The following MFAP2 variants were observed in gnomAD, a reference collection of about 807,000 sequenced individuals.
MFAP2 encodes microfibrillar-associated protein 2.
In MFAP2, 23 loss-of-function variants were observed where a neutral mutation model predicts 30.6. The observed-to-expected ratio is 0.75, with a 90% CI of 0.54 to 1.07. MFAP2 has a LOEUF of 1.07. Ranked by LOEUF, MFAP2 falls within the 50% of genes least tolerant of loss-of-function variation. MFAP2 has a pLI of 0.00. For synonymous variants in MFAP2, 73 were observed against 85.7 expected (o/e 0.85, Z 0.82); for missense variants, 198 against 223.8 (o/e 0.88, Z 0.74).
Position 16,976,161 on chromosome 1 carries a change from G to C in MFAP2, c.286+340C>G. The C allele has an allele frequency of 1.9e-6, 1 of 519,854 alleles. No individual in the cohort carries two copies. The highest frequency in any genetic ancestry group is 3.4e-5 in the East Asian group (1 of 29,264). 32.2% of individuals were successfully genotyped at this position (519,854 alleles called of 1,614,324 possible). Reference sequence around the variant, plus strand: ...CCGGAGGGCACCGCTCAGCCAGCCTGCACTCCCTGGCCCTTCCTCGCCTCC... The same window carrying C: ...CCGGAGGGCACCGCTCAGCCAGCCTCCACTCCCTGGCCCTTCCTCGCCTCC... On this transcript the variant is annotated intron_variant, in intron 6 of 8. Transcript: ENST00000375535. This position sits in a 1 kb window ranked among gnomAD's most constrained non-coding sequence, Gnocchi z 5.5.
rs2076589642 is a variant in MFAP2, at chr1:16,976,150, T to C, written c.286+351A>G. The C allele has an allele frequency of 2.0e-6, 1 of 508,288 alleles. No homozygotes were observed. Among genetic ancestry groups the C allele is most frequent in the Non-Finnish European group, 3.6e-6 (1 of 280,438 alleles). The allele number at this position is 508,288 out of a possible 1,614,324, so 31.5% of individuals were successfully genotyped here. ...AGCTAGGGCAGCCGGAGGGCACCGC[T>C]CAGCCAGCCTGCACTCCCTGGCCCT... On this transcript the variant is annotated intron_variant, in intron 6 of 8. Transcript: ENST00000375535. This position sits in a 1 kb window ranked among gnomAD's most constrained non-coding sequence, Gnocchi z 5.5.
rs767379514 is a variant in MFAP2 at position 16,976,871 on chromosome 1, G to A, written c.154+26C>T. 42 of 1,614,112 alleles carry A rather than the reference G, an allele frequency of 2.6e-5. No homozygotes were observed. Among genetic ancestry groups the A allele is most frequent in the Non-Finnish European group, 3.3e-5 (39 of 1,179,994 alleles). ...GTCTCCCCACCCCAGCTGCCGGCCC[G>A]TCCTATCCTACCCCTAGCCCGTTAC... On this transcript the variant is annotated intron_variant, in intron 4 of 8. Coordinates refer to ENST00000375535, the MANE Select transcript of MFAP2 (RefSeq NM_002403.4). The surrounding 1 kb of genome is among the most constrained non-coding windows in gnomAD (Gnocchi z 5.5).
chr1:16,979,955 G>C (rs1225029783), intron 1 of MFAP2, among the ~76,000 whole-genome samples: 6 of 152,150 alleles, frequency 3.9e-5, no homozygotes, highest in Non-Finnish European at 8.8e-5. Flanking sequence ...GCCAGGACCT[G>C]CCTGGGAGGC....
In MFAP2 at chr1:16,975,239, G is replaced by A; in HGVS notation, c.448+30C>T. On this transcript the variant is annotated intron_variant, in intron 8 of 8. Transcript: ENST00000375535. This position sits in a 1 kb window ranked among gnomAD's most constrained non-coding sequence, Gnocchi z 5.0. ...AGATAATGATGCGGGTGTGGGGACA[G>A]GGGAGGTCTTGGGGAGGTGGCCTTC... 1 of 1,599,046 alleles carries A rather than the reference G, an allele frequency of 6.3e-7. No individual in the cohort carries two copies. Among genetic ancestry groups the A allele is most frequent in the Non-Finnish European group, 8.6e-7 (1 of 1,168,150 alleles).
At chr1:16,977,265 G>T (rs2076601395) in intron 2 of MFAP2, 67 bp from the exon 3 acceptor site, 3 of 1,503,138 alleles carry the variant, frequency 2.0e-6, no homozygotes, top group African/African-American at 2.8e-5. Context: ...GGCGCTTCTG[G>T]AGAGTGGAGG....
rs760867310 is a variant in MFAP2, at chr1:16,977,253, G to A, written c.38-55C>T. ...CCATCGGGAGGGGCAACGGGGGCCC[G>A]AGGCGCTTCTGGAGAGTGGAGGCGG... On this transcript the variant is annotated intron_variant, in intron 2 of 8. Coordinates refer to ENST00000375535, the MANE Select transcript of MFAP2 (RefSeq NM_002403.4). The A allele has an allele frequency of 7.3e-4, 1,140 of 1,569,872 alleles. 3 individuals are homozygous for A. Among genetic ancestry groups the A allele is most frequent in the Non-Finnish European group, 7.3e-4 (842 of 1,153,040 alleles).
At position 16,975,185 on chromosome 1, in the gene MFAP2, A is replaced by G; in HGVS notation, c.448+84T>C. ...GGGCCTGGTGGATAATATGTGTTGA[A>G]TAAACATCAGGTGGGTGGCTAGGTG... On this transcript the variant is annotated intron_variant, in intron 8 of 8. Transcript: ENST00000375535. This position sits in a 1 kb window ranked among gnomAD's most constrained non-coding sequence, Gnocchi z 5.0. The G allele has an allele frequency of 7.2e-7, 1 of 1,385,446 alleles. No individual in the cohort carries two copies. The highest frequency in any genetic ancestry group is 1.8e-5 in the Admixed American group (1 of 55,046). 85.8% of individuals were successfully genotyped at this position (1,385,446 alleles called of 1,614,324 possible).
In MFAP2 at chr1:16,976,883, C is replaced by A. The variant is rs761778619; in HGVS notation, c.154+14G>T. On this transcript the variant is annotated intron_variant, in intron 4 of 8. Coordinates refer to ENST00000375535, the MANE Select transcript of MFAP2 (RefSeq NM_002403.4). This position sits in a 1 kb window ranked among gnomAD's most constrained non-coding sequence, Gnocchi z 5.5. ...CAGCTGCCGGCCCGTCCTATCCTAC[C>A]CCTAGCCCGTTACCTTGATAATCAT... 1 of 1,614,136 alleles carries A rather than the reference C, an allele frequency of 6.2e-7. No homozygotes were observed.
Position 16,977,096 on chromosome 1 carries a change from G to T in MFAP2, c.127+13C>A. The T allele has an allele frequency of 6.2e-7, 1 of 1,613,820 alleles. No individual in the cohort carries two copies. The highest frequency in any genetic ancestry group is 8.5e-7 in the Non-Finnish European group (1 of 1,179,930). ...TGAGCAGCCAGGCCTCGGTGACCCG[G>T]CAAGGCCCTTACCGATCTGGTCGCT... On this transcript the variant is annotated intron_variant, in intron 3 of 8. Coordinates refer to ENST00000375535, the MANE Select transcript of MFAP2 (RefSeq NM_002403.4).
At position 16,976,656 on chromosome 1, in the gene MFAP2, G is replaced by A; in HGVS notation, c.241+52C>T. On this transcript the variant is annotated intron_variant, in intron 5 of 8. Coordinates refer to ENST00000375535, the MANE Select transcript of MFAP2 (RefSeq NM_002403.4). The surrounding 1 kb of genome is among the most constrained non-coding windows in gnomAD (Gnocchi z 5.5). ...CCCCACTCCCAGGGTTGACAGGGTGGGGAGGGGTGAGGCAGGAGCTGAGAC... is the reference window on the plus strand; with the variant it reads ...CCCCACTCCCAGGGTTGACAGGGTGAGGAGGGGTGAGGCAGGAGCTGAGAC... The A allele has an allele frequency of 6.2e-7, 1 of 1,610,372 alleles. No homozygotes were observed. The highest frequency in any genetic ancestry group is 8.5e-7 in the Non-Finnish European group (1 of 1,177,810).
chr1:16,976,560 G>C lies in MFAP2; in HGVS notation c.242-15C>G. On this transcript the variant is annotated splice_polypyrimidine_tract_variant and intron_variant, in intron 5 of 8. Transcript: ENST00000375535. This position sits in a 1 kb window ranked among gnomAD's most constrained non-coding sequence, Gnocchi z 5.5. ...ATTTCCTGGTTCTGGTGTGGAGACA[G>C]AGGTAGGCAGACATCACTGGGAGGG... The C allele has an allele frequency of 6.2e-7, 1 of 1,614,204 alleles. No individual in the cohort carries two copies. The highest frequency in any genetic ancestry group is 8.5e-7 in the Non-Finnish European group (1 of 1,180,026).
chr1:16,975,473 G>T lies in MFAP2; in HGVS notation c.375-131C>A, dbSNP rs1269551536. On this transcript the variant is annotated intron_variant, in intron 7 of 8. Coordinates refer to ENST00000375535, the MANE Select transcript of MFAP2 (RefSeq NM_002403.4). This position sits in a 1 kb window ranked among gnomAD's most constrained non-coding sequence, Gnocchi z 5.0. ...AGCCCGGACAGAACCTGGCACTGGA[G>T]CCCAGGAGTGGAGGAGGTCCCTGGC... 6 of 1,183,242 alleles carry T rather than the reference G, an allele frequency of 5.1e-6. No individual in the cohort carries two copies. The highest frequency in any genetic ancestry group is 1.5e-5 in the African/African-American group (1 of 65,668). The allele number at this position is 1,183,242 out of a possible 1,614,324, so 73.3% of individuals were successfully genotyped here. A position where few individuals can be genotyped will look rare whatever the true frequency, so the allele number is the denominator to read the frequency against.
intron 2 of MFAP2, 26 bp from the exon 3 acceptor site, chr1:16,977,224 T>C (rs1457468872): frequency 2.5e-6 from 4 of 1,609,190 alleles, no homozygotes; most frequent in Non-Finnish European, 3.4e-6. Context: ...GCATGTAGGG[T>C]ACCCCATCGG....
Position 16,976,682 on chromosome 1 carries a change from G to A in MFAP2, c.241+26C>T, listed in dbSNP as rs756022904. 115 of 1,612,336 alleles carry A rather than the reference G, an allele frequency of 7.1e-5. No homozygotes were observed. Among genetic ancestry groups the A allele is most frequent in the Middle Eastern group, 1.7e-4 (1 of 6,044 alleles). On this transcript the variant is annotated intron_variant, in intron 5 of 8. Transcript: ENST00000375535. The surrounding 1 kb of genome is among the most constrained non-coding windows in gnomAD (Gnocchi z 5.5). Reference sequence around the variant, plus strand: ...GGAGGGGTGAGGCAGGAGCTGAGACGGGTGGGAGCAGGGTCTGGGGCCTAC... The same window carrying A: ...GGAGGGGTGAGGCAGGAGCTGAGACAGGTGGGAGCAGGGTCTGGGGCCTAC...
At position 16,976,704 on chromosome 1, in the gene MFAP2, C is replaced by G; in HGVS notation, c.241+4G>C. On this transcript the variant is annotated splice_donor_region_variant and intron_variant, in intron 5 of 8. Transcript: ENST00000375535. This position sits in a 1 kb window ranked among gnomAD's most constrained non-coding sequence, Gnocchi z 5.5. ...GACGGGTGGGAGCAGGGTCTGGGGC[C>G]TACCTGGGGTTGGGGCTGGGATGAC... 2.5e-6 allele frequency: 4 copies of G among 1,613,662 alleles called. No homozygotes were observed. The highest frequency in any genetic ancestry group is 3.4e-6 in the Non-Finnish European group (4 of 1,179,790).
chr1:16,977,444 C>G (rs553028331), intron 2 of MFAP2: 2 of 503,356 alleles, frequency 4.0e-6, no homozygotes, highest in African/African-American at 3.8e-5. Flanking sequence ...GCTCCTAGGA[C>G]TCCACATGCT....
rs1230314849 is a variant in MFAP2, at chr1:16,976,257, G to A, written c.286+244C>T. The A allele has an allele frequency of 3.3e-6, 2 of 598,008 alleles. No homozygotes were observed. Among genetic ancestry groups the A allele is most frequent in the South Asian group, 2.0e-5 (1 of 50,422 alleles). The allele number at this position is 598,008 out of a possible 1,614,324, so 37.0% of individuals were successfully genotyped here. A position where few individuals can be genotyped will look rare whatever the true frequency, so the allele number is the denominator to read the frequency against. Reference sequence around the variant, plus strand: ...ACACTCCCTGCCCCTCCCAGTATCTGTGAGGTCAGGGGCCTTCCTAGGCTG... The same window carrying A: ...ACACTCCCTGCCCCTCCCAGTATCTATGAGGTCAGGGGCCTTCCTAGGCTG... On this transcript the variant is annotated intron_variant, in intron 6 of 8. Coordinates refer to ENST00000375535, the MANE Select transcript of MFAP2 (RefSeq NM_002403.4). The surrounding 1 kb of genome is among the most constrained non-coding windows in gnomAD (Gnocchi z 5.5).
chr1:16,975,412 ACC>A lies in MFAP2; in HGVS notation c.375-72_375-71del. 20 of 1,026,466 alleles carry A rather than the reference ACC, an allele frequency of 1.9e-5. No individual in the cohort carries two copies. The highest frequency in any genetic ancestry group is 2.5e-5 in the Non-Finnish European group (20 of 808,804). 63.6% of individuals were successfully genotyped at this position (1,026,466 alleles called of 1,614,324 possible). On this transcript the variant is annotated intron_variant, in intron 7 of 8. Transcript: ENST00000375535. This position sits in a 1 kb window ranked among gnomAD's most constrained non-coding sequence, Gnocchi z 5.0. ...ATCCCACTGGGATAGCCCAGACAGA[ACC>A]TGGCACGGGAGCCCGGACAGAACCT...
Position 16,976,677 on chromosome 1 carries a change from G to C in MFAP2, c.241+31C>G, listed in dbSNP as rs1170029644. 1 of 1,612,178 alleles carries C rather than the reference G, an allele frequency of 6.2e-7. No individual in the cohort carries two copies. Among genetic ancestry groups the C allele is most frequent in the African/African-American group, 1.3e-5 (1 of 74,786 alleles). ...GGTGGGGAGGGGTGAGGCAGGAGCT[G>C]AGACGGGTGGGAGCAGGGTCTGGGG... On this transcript the variant is annotated intron_variant, in intron 5 of 8. Transcript: ENST00000375535. This position sits in a 1 kb window ranked among gnomAD's most constrained non-coding sequence, Gnocchi z 5.5.
Sources: gnomAD v4.1 joint callset for allele counts (sites outside exome capture counted in the v4.1 genomes callset) on GRCh38, gnomAD v4.1.1 for gene constraint, Gnocchi (gnomAD v3.1) non-coding constraint, MANE v1.5 for transcripts, NCBI Gene and HGNC (gene_info 2026-07-23, HGNC 2026-07-21) for gene names.